SLIT3: variants seen among roughly 807,000 people sequenced by gnomAD.
SLIT3 encodes the protein slit guidance ligand 3.
In SLIT3, 68 loss-of-function variants were observed where a neutral mutation model predicts 184.0. The observed-to-expected ratio is 0.37, with a 90% CI of 0.30 to 0.45. The LOEUF is 0.45. SLIT3 is among the 20% of genes least tolerant of loss of function. The pLI is 1.00. For synonymous variants in SLIT3, 831 were observed against 828.6 expected (o/e 1.00, Z -0.05); for missense variants, 1,707 against 2,026.0 (o/e 0.84, Z 3.02).
chr5:168,936,236 A>G (rs1347361302), intron 4 of SLIT3, among the ~76,000 whole-genome samples: 1 of 152,072 alleles, frequency 6.6e-6, no homozygotes, highest in African/African-American at 2.4e-5. Context: ...TTCCTGGGCC[A>G]CGGTTTTTCT....
At chr5:169,260,810 G>A (rs1340712679) in intron 1 of SLIT3, among the ~76,000 whole-genome samples, 2 of 152,174 alleles carry the variant, frequency 1.3e-5, no homozygotes, top group Non-Finnish European at 2.9e-5. Flanking sequence ...ATAAACAATA[G>A]TGGCGTGGTC....
intron 24 of SLIT3, 100 bp downstream of exon 24, chr5:168,712,182 GA>G (rs1762579915): frequency 5.0e-6 from 5 of 1,000,634 alleles, no homozygotes; most frequent in Non-Finnish European, 8.0e-6. Flanking sequence ...TATGCATAAG[GA>G]AAGGACATCT....
chr5:169,263,970 G>GT (rs150860325), intron 1 of SLIT3, among the ~76,000 whole-genome samples: 2,223 of 141,700 alleles, frequency 0.016, 17 homozygotes, highest in Admixed American at 0.021. Flanking sequence ...GAGAAACGGG[G>GT]TTTTTTTTTT....
intron 5 of SLIT3, among the ~76,000 whole-genome samples, chr5:168,882,730 C>A (rs1760001672): frequency 6.6e-6 from 1 of 152,056 alleles, no homozygotes; most frequent in South Asian, 2.1e-4. Flanking sequence ...AAATCCTAGG[C>A]CAGTGGAAAT....
chr5:169,202,448 G>A (rs527667972), intron 3 of SLIT3, among the ~76,000 whole-genome samples: 2 of 152,246 alleles, frequency 1.3e-5, no homozygotes, highest in East Asian at 1.9e-4. Flanking sequence ...GCACAGCAAG[G>A]TTATGTAGCT....
intron 9 of SLIT3, among the ~76,000 whole-genome samples, chr5:168,796,322 G>C (rs57969991): frequency 0.063 from 9,651 of 152,296 alleles, 1,013 homozygotes; most frequent in African/African-American, 0.22. Context: ...AAGAGAAGGG[G>C]CCGTGGGGAA....
At chr5:169,203,462 C>G (rs2113493038) in intron 3 of SLIT3, among the ~76,000 whole-genome samples, 1 of 152,200 alleles carries the variant, frequency 6.6e-6, no homozygotes, top group South Asian at 2.1e-4. Flanking sequence ...TTCAGGCAGT[C>G]AGACCACTTG....
chr5:168,703,679 C>T (rs1447241180), intron 26 of SLIT3, among the ~76,000 whole-genome samples: 8 of 151,948 alleles, frequency 5.3e-5, no homozygotes, highest in Non-Finnish European at 1.2e-4. Flanking sequence ...GGGGGCTGGG[C>T]GCAGTGCCTC....
chr5:169,246,559 C>G (rs925754480), intron 2 of SLIT3, among the ~76,000 whole-genome samples: 4 of 152,168 alleles, frequency 2.6e-5, no homozygotes, highest in African/African-American at 9.7e-5. Flanking sequence ...TGCAAAAGTT[C>G]TTACGAGAAC....
chr5:168,704,080 T>G (rs1295660675), intron 26 of SLIT3, among the ~76,000 whole-genome samples: 1 of 151,378 alleles, frequency 6.6e-6, no homozygotes, highest in Admixed American at 6.6e-5. Flanking sequence ...GGCACTGGCA[T>G]GTCCTGGGAG....
rs1754620256 is a variant in SLIT3, at chr5:168,749,524, G to T, written c.2085C>A (p.Phe695Leu). Residue 695 changes from phenylalanine to leucine, a missense_variant, in exon 19 of 36, where the codon TTC (phenylalanine) becomes TTA (leucine). Physicochemically the swap from Phe to Leu is conservative, Grantham distance 22 (BLOSUM62 0). Around this residue, in one of 3 missense-constraint regions of SLIT3, gnomAD observed 1,307 missense variants for 1,511.6 expected, o/e 0.86. Coordinates refer to ENST00000519560, the MANE Select transcript of SLIT3 (RefSeq NM_003062.4). ...CATCCTGGATGGGAATCTCCTTGAG[G>T]AAAAATGGCTTCTGGCACCTAGGGT... ...SGNPRCQKPF[F>L]LKEIPIQDVA... 1 of 1,614,164 alleles carries T rather than the reference G, an allele frequency of 6.2e-7. No homozygotes were observed. Among genetic ancestry groups the T allele is most frequent in the Non-Finnish European group, 8.5e-7 (1 of 1,180,006 alleles).
At chr5:168,824,573 G>A (rs907968515) in intron 6 of SLIT3, among the ~76,000 whole-genome samples, 9 of 152,192 alleles carry the variant, frequency 5.9e-5, no homozygotes, top group Admixed American at 2.6e-4. Context: ...AGTTACTTCA[G>A]TGACTACCCA....
At chr5:169,230,123 T>C (rs193297056) in intron 3 of SLIT3, among the ~76,000 whole-genome samples, 58 of 152,312 alleles carry the variant, frequency 3.8e-4, no homozygotes, top group African/African-American at 1.4e-3. Flanking sequence ...CTGTCAATCA[T>C]TTTGAATATA....
intron 4 of SLIT3, among the ~76,000 whole-genome samples, chr5:168,948,815 G>A (rs1358407369): frequency 6.6e-6 from 1 of 152,212 alleles, no homozygotes; most frequent in East Asian, 1.9e-4. Flanking sequence ...AGACATCTGT[G>A]AGCACCGCAG....
At chr5:169,148,536 T>C (rs78290078) in intron 4 of SLIT3, among the ~76,000 whole-genome samples, 5,013 of 152,310 alleles carry the variant, frequency 0.033, 105 homozygotes, top group South Asian at 0.1. Flanking sequence ...AAGTCTGAGA[T>C]TAAACCTTCT....
intron 4 of SLIT3, among the ~76,000 whole-genome samples, chr5:169,137,520 C>T (rs138270096): frequency 1.1e-4 from 16 of 152,170 alleles, no homozygotes; most frequent in Middle Eastern, 3.4e-3. Context: ...CTTCTCTGCT[C>T]AGCTCCTGGC....
At chr5:168,669,538 A>G (rs746177186) in intron 35 of SLIT3, among the ~76,000 whole-genome samples, 1 of 152,216 alleles carries the variant, frequency 6.6e-6, no homozygotes, top group Non-Finnish European at 1.5e-5. Context: ...GCTAAAAAAA[A>G]TGTTTTTTGT....
rs568702160 is a variant in SLIT3 at position 168,773,008 on chromosome 5, C to T, written c.1296-64G>A. The T allele has an allele frequency of 9.4e-5, 140 of 1,494,082 alleles. 1 individual carries two copies. The African/African-American group carries it at 1.6e-3, about 17-fold the overall frequency. The allele number at this position is 1,494,082 out of a possible 1,614,324, so 92.6% of individuals were successfully genotyped here. ...CGGCGTCTTGCTCCACCACCACCAC[C>T]CTGCCTCGCGCTGGGCCCTGGCAAT... is the stretch of plus-strand genomic sequence containing the variant. On this transcript the variant is annotated intron_variant, in intron 13 of 35. Transcript: ENST00000519560.
chr5:169,296,663 C>T (rs933577833), intron 1 of SLIT3, among the ~76,000 whole-genome samples: 3 of 152,202 alleles, frequency 2.0e-5, no homozygotes, highest in Non-Finnish European at 4.4e-5. Context: ...GAGGGAAAGC[C>T]TATGACATGG....
Sources: gnomAD v4.1 joint callset for allele counts (sites outside exome capture counted in the v4.1 genomes callset) on GRCh38, gnomAD v4.1.1 for gene constraint, gnomAD v4.1.1 regional missense constraint, MANE v1.5 for transcripts, NCBI Gene and HGNC (gene_info 2026-07-23, HGNC 2026-07-21) for gene names.